ARID2: variants seen among roughly 807,000 people sequenced by gnomAD.
The protein encoded by ARID2 is AT-rich interactive domain-containing protein 2.
A neutral mutation model predicts 184.6 loss-of-function variants in ARID2; 32 were observed. That is an observed-to-expected ratio of 0.17 (90% CI 0.13 to 0.23). The LOEUF is 0.23. ARID2 is among the 10% of genes least tolerant of loss of function. The probability of loss-of-function intolerance (pLI) is 1.00; values close to 1 mark genes in which losing one functional copy is unlikely to be tolerated. For missense variants in ARID2, 1,696 were observed against 2,197.6 expected, an observed-to-expected ratio of 0.77 and a Z score of 4.56; for synonymous variants, 836 against 772.6, an observed-to-expected ratio of 1.08 and a Z score of -1.36.
chr12:45,874,877 A>G (rs545568488), intron 16 of ARID2, among the ~76,000 whole-genome samples: 6 of 152,364 alleles, frequency 3.9e-5, no homozygotes, highest in Non-Finnish European at 7.3e-5. Flanking sequence ...TAATCTCAAC[A>G]CTTTGGAAGG....
intron 12 of ARID2, among the ~76,000 whole-genome samples, 191 bp downstream of exon 12, chr12:45,847,128 T>C (rs1943457914): frequency 6.6e-6 from 1 of 152,126 alleles, no homozygotes; most frequent in Admixed American, 6.6e-5. Flanking sequence ...AAGAAAAATA[T>C]TCATCAGAAT....
chr12:45,899,003 G>T (rs2136467172), intron 20 of ARID2, among the ~76,000 whole-genome samples: 1 of 152,158 alleles, frequency 6.6e-6, no homozygotes, highest in South Asian at 2.1e-4. Context: ...GCGGGGCGTG[G>T]TGGCTCATGC....
intron 3 of ARID2, 85 bp downstream of exon 3, chr12:45,731,399 T>C (rs1276470999): frequency 3.3e-6 from 3 of 898,254 alleles, no homozygotes; most frequent in Non-Finnish European, 5.5e-6. Context: ...AAGCAAACCT[T>C]GCACACCAAA....
intron 3 of ARID2, among the ~76,000 whole-genome samples, chr12:45,766,757 G>A (rs1423614306): frequency 1.3e-5 from 2 of 152,018 alleles, no homozygotes; most frequent in Admixed American, 6.6e-5. Flanking sequence ...CTTGTGATCC[G>A]CCCACCTCGG....
chr12:45,813,761 A>G (rs1188309890), intron 4 of ARID2, among the ~76,000 whole-genome samples: 1 of 152,130 alleles, frequency 6.6e-6, no homozygotes, highest in African/African-American at 2.4e-5. Flanking sequence ...GATATTGACT[A>G]CTTTTGGCCA....
chr12:45,780,770 C>T (rs938558871), intron 3 of ARID2, among the ~76,000 whole-genome samples: 1 of 152,060 alleles, frequency 6.6e-6, no homozygotes, highest in African/African-American at 2.4e-5. Flanking sequence ...AGGTGCCTGC[C>T]ACCACGCCTG....
intron 3 of ARID2, among the ~76,000 whole-genome samples, chr12:45,809,703 C>T (rs996387861): frequency 2.0e-5 from 3 of 152,018 alleles, no homozygotes; most frequent in Non-Finnish European, 4.4e-5. Context: ...AAGCTACCTG[C>T]TAGGAAAGAG....
intron 3 of ARID2, among the ~76,000 whole-genome samples, chr12:45,799,272 A>G (rs1013887815): frequency 2.6e-5 from 4 of 152,150 alleles, no homozygotes; most frequent in African/African-American, 7.2e-5. Flanking sequence ...TAGGCTTTAA[A>G]TCACTTTAAT....
intron 16 of ARID2, chr12:45,881,909 G>T: frequency 4.9e-6 from 1 of 202,700 alleles, no homozygotes. Context: ...TCACCCCAGA[G>T]CCGTGGAACA....
chr12:45,829,245 G>A (rs576768763), intron 6 of ARID2, among the ~76,000 whole-genome samples: 1 of 152,004 alleles, frequency 6.6e-6, no homozygotes, highest in South Asian at 2.1e-4. Flanking sequence ...TGGTTTATTT[G>A]CCCCGTTAGG....
chr12:45,775,047 A>G (rs1296022499), intron 3 of ARID2, among the ~76,000 whole-genome samples: 3 of 152,128 alleles, frequency 2.0e-5, no homozygotes, highest in Non-Finnish European at 2.9e-5. Context: ...TGGTCCCCCC[A>G]TAAAGAAGAA....
chr12:45,818,945 A>G (rs1335841472), intron 5 of ARID2, among the ~76,000 whole-genome samples: 1 of 152,126 alleles, frequency 6.6e-6, no homozygotes. Context: ...GTTAGTTCTC[A>G]GTTTCTGTCA....
At chr12:45,823,108 G>C (rs1592098416) in intron 6 of ARID2, among the ~76,000 whole-genome samples, 1 of 151,950 alleles carries the variant, frequency 6.6e-6, no homozygotes, top group Non-Finnish European at 1.5e-5. Flanking sequence ...AATTGAAATA[G>C]TATCAAGTGT....
At chr12:45,800,522 G>A (rs3990018) in intron 3 of ARID2, among the ~76,000 whole-genome samples, 2 of 27,326 alleles carry the variant, frequency 7.3e-5, no homozygotes, top group East Asian at 6.2e-4. Context: ...ATTTATAAAC[G>A]TGTGCATGCA....
intron 3 of ARID2, among the ~76,000 whole-genome samples, chr12:45,806,247 C>T (rs967448235): frequency 1.3e-5 from 2 of 150,876 alleles, no homozygotes; most frequent in African/African-American, 4.9e-5. Context: ...CTGGATAGTT[C>T]TAAGAATCTT....
intron 3 of ARID2, among the ~76,000 whole-genome samples, chr12:45,763,469 CAA>C (rs879682399): frequency 1.6e-5 from 2 of 128,526 alleles, no homozygotes; most frequent in Non-Finnish European, 1.7e-5. Context: ...GACTCAGACT[CAA>C]AAAAAAAAAA....
intron 16 of ARID2, chr12:45,881,488 T>A (rs1944097838): frequency 6.5e-6 from 1 of 152,978 alleles, no homozygotes; most frequent in Admixed American, 6.5e-5. Context: ...GACTTCAGTT[T>A]CTTCTTTGCT....
intron 16 of ARID2, among the ~76,000 whole-genome samples, chr12:45,886,216 G>A (rs1030374329): frequency 5.9e-5 from 9 of 151,996 alleles, no homozygotes. Context: ...AGAGGCTACA[G>A]GCACCATCCA....
At chr12:45,863,602 C>A (rs2138195597) in intron 16 of ARID2, among the ~76,000 whole-genome samples, 2 of 151,566 alleles carry the variant, frequency 1.3e-5, no homozygotes, top group Middle Eastern at 6.8e-3. Context: ...AAAAAAAAAA[C>A]AAACCAGAAA....
Sources: allele counts gnomAD v4.1 joint callset (sites outside exome capture counted in the v4.1 genomes callset), GRCh38; gene constraint gnomAD v4.1.1; transcripts MANE v1.5; gene names NCBI Gene and HGNC (gene_info 2026-07-23, HGNC 2026-07-21).